Variants in AFF3 observed in about 807,000 individuals in gnomAD.
AFF3 encodes ALF transcription elongation factor 3.
AFF3 carries 32 observed loss-of-function variants against 129.7 expected under a neutral mutation model. The ratio of observed to expected loss-of-function variants is 0.25; its 90% CI spans 0.19 to 0.33. The LOEUF is 0.33. Ranked by LOEUF, AFF3 falls within the 10% of genes least tolerant of loss-of-function variation. The pLI is 1.00. For synonymous variants in AFF3, 644 were observed against 635.4 expected (o/e 1.01, Z -0.20); for missense variants, 1,373 against 1,592.0 (o/e 0.86, Z 2.34).
intron 8 of AFF3, among the ~76,000 whole-genome samples, chr2:99,779,498 C>A (rs1465457084): frequency 8.5e-6 from 1 of 118,100 alleles, no homozygotes; most frequent in Non-Finnish European, 1.6e-5. Context: ...TAAGTGACCA[C>A]ACAGTCACAG....
intron 4 of AFF3, among the ~76,000 whole-genome samples, chr2:100,043,396 C>T (rs1685592928): frequency 6.6e-6 from 1 of 152,158 alleles, no homozygotes; most frequent in African/African-American, 2.4e-5. Flanking sequence ...TGTGTTACTC[C>T]CAGGCTTGAA....
chr2:99,816,019 ATAGGTC>A (rs1457374801), intron 8 of AFF3, among the ~76,000 whole-genome samples: 1 of 150,404 alleles, frequency 6.6e-6, no homozygotes, highest in Non-Finnish European at 1.5e-5. Flanking sequence ...ATATTATCCA[ATAGGTC>A]TTGGATGATC....
chr2:99,882,403 C>G (rs1692793808), intron 7 of AFF3, among the ~76,000 whole-genome samples: 1 of 152,188 alleles, frequency 6.6e-6, no homozygotes. Flanking sequence ...TAGAAACTAT[C>G]CAGCTGTGAA....
chr2:99,829,672 A>G (rs1308441391), intron 8 of AFF3, among the ~76,000 whole-genome samples: 1 of 152,212 alleles, frequency 6.6e-6, no homozygotes, highest in Non-Finnish European at 1.5e-5. Flanking sequence ...ATGCTTTTAC[A>G]CTGTTGCTGG....
chr2:99,686,981 G>A (rs561919641), intron 11 of AFF3, among the ~76,000 whole-genome samples: 1 of 152,348 alleles, frequency 6.6e-6, no homozygotes, highest in Admixed American at 6.5e-5. Flanking sequence ...CATGTTGCCA[G>A]CCAATGCAAA....
rs1045113929 is a variant in AFF3 at position 100,007,095 on chromosome 2, T to C, written c.487+53A>G. 12 of 1,597,204 alleles carry C rather than the reference T, an allele frequency of 7.5e-6. No homozygotes were observed. In the South Asian group the frequency reaches 1.4e-4, roughly 18 times the overall value. Reference sequence around the variant, plus strand: ...AGGGATTTTCTTTTTTCATTATAGTTCTCTGGGTTTTAGCAGATTTGTGCA... The same window carrying C: ...AGGGATTTTCTTTTTTCATTATAGTCCTCTGGGTTTTAGCAGATTTGTGCA... On this transcript the variant is annotated intron_variant, in intron 6 of 24. Coordinates refer to ENST00000672756, the MANE Select transcript of AFF3 (RefSeq NM_001386135.1).
At chr2:100,019,356 G>A (rs965235497) in intron 4 of AFF3, among the ~76,000 whole-genome samples, 2 of 152,214 alleles carry the variant, frequency 1.3e-5, no homozygotes, top group African/African-American at 4.8e-5. Flanking sequence ...GTGAGGTAGA[G>A]AACAAGCCCT....
chr2:100,076,168 G>A (rs1293502228), intron 4 of AFF3, among the ~76,000 whole-genome samples: 1 of 152,184 alleles, frequency 6.6e-6, no homozygotes, highest in Non-Finnish European at 1.5e-5. Context: ...TGAAAAAGAT[G>A]TGACTCAAGT....
chr2:100,120,336 A>G (rs572130925), intron 2 of AFF3, among the ~76,000 whole-genome samples: 29 of 152,322 alleles, frequency 1.9e-4, no homozygotes, highest in Non-Finnish European at 3.7e-4. Flanking sequence ...TCCCACAGAA[A>G]TCATTGCATT....
intron 8 of AFF3, among the ~76,000 whole-genome samples, chr2:99,798,228 C>T (rs1305263592): frequency 6.6e-6 from 1 of 151,588 alleles, no homozygotes; most frequent in Non-Finnish European, 1.5e-5. Flanking sequence ...CTAAAGCAAC[C>T]ACTAAAATAA....
In AFF3 at chr2:99,549,078, A is replaced by G. The variant is rs1674230863; in HGVS notation, c.*2396T>C. On this transcript the variant is annotated 3_prime_UTR_variant, in exon 25 of 25. Coordinates refer to ENST00000672756, the MANE Select transcript of AFF3 (RefSeq NM_001386135.1). ...AAGCTCATCACATAGATGTTACAAC[A>G]AAGTCTGCAACTTTCAAGGTGGGCA... 1 of 227,292 alleles carries G rather than the reference A, an allele frequency of 4.4e-6. No individual in the cohort carries two copies. Among genetic ancestry groups the G allele is most frequent in the Middle Eastern group, 1.3e-3 (1 of 742 alleles). The allele number at this position is 227,292 out of a possible 1,614,324, so 14.1% of individuals were successfully genotyped here. A position where few individuals can be genotyped will look rare whatever the true frequency, so the allele number is the denominator to read the frequency against.
chr2:99,567,739 C>A (rs1451989462), intron 19 of AFF3, among the ~76,000 whole-genome samples: 2 of 152,142 alleles, frequency 1.3e-5, no homozygotes, highest in African/African-American at 4.8e-5. Flanking sequence ...ACCAGCCTGG[C>A]TGGAGCAGAG....
intron 8 of AFF3, among the ~76,000 whole-genome samples, chr2:99,825,608 C>A (rs185091246): frequency 1.3e-3 from 201 of 152,292 alleles, no homozygotes; most frequent in Non-Finnish European, 2.3e-3. Flanking sequence ...GGTAATTAAC[C>A]AAATTATCCC....
At chr2:99,805,032 AC>A (rs774090840) in intron 8 of AFF3, among the ~76,000 whole-genome samples, 2 of 152,208 alleles carry the variant, frequency 1.3e-5, no homozygotes, top group Non-Finnish European at 2.9e-5. Flanking sequence ...CTCCATCACT[AC>A]ACAATGCATC....
intron 7 of AFF3, among the ~76,000 whole-genome samples, chr2:99,992,884 A>AC (rs1680486647): frequency 6.6e-6 from 1 of 152,216 alleles, no homozygotes; most frequent in African/African-American, 2.4e-5. Flanking sequence ...CAGCTTAAAG[A>AC]CCTCATGTCC....
At chr2:99,570,723 TCATATTGC>T (rs1420984134) in intron 18 of AFF3, among the ~76,000 whole-genome samples, 1 of 152,158 alleles carries the variant, frequency 6.6e-6, no homozygotes, top group African/African-American at 2.4e-5. Flanking sequence ...ACCCACTTAA[TCATATTGC>T]TTACTCACGA....
intron 8 of AFF3, among the ~76,000 whole-genome samples, chr2:99,813,830 A>G (rs551600850): frequency 6.6e-6 from 1 of 152,324 alleles, no homozygotes; most frequent in Non-Finnish European, 1.5e-5. Context: ...AGTCACATAG[A>G]ACAAAACAGT....
chr2:99,762,253 TC>T (rs1198442680), intron 8 of AFF3, among the ~76,000 whole-genome samples: 1 of 151,904 alleles, frequency 6.6e-6, no homozygotes, highest in Admixed American at 6.6e-5. Flanking sequence ...GCCTCCTGAG[TC>T]CTGGGACTAC....
intron 7 of AFF3, among the ~76,000 whole-genome samples, chr2:99,837,894 TCCAATTTATCCA>T (rs953615395): frequency 2.0e-5 from 3 of 152,142 alleles, no homozygotes; most frequent in African/African-American, 7.2e-5. Flanking sequence ...CAACAGTGGA[TCCAATTTATCCA>T]CCAAATATAT....
Sources: gnomAD v4.1 joint callset for allele counts (sites outside exome capture counted in the v4.1 genomes callset) on GRCh38, gnomAD v4.1.1 for gene constraint, MANE v1.5 for transcripts, NCBI Gene and HGNC (gene_info 2026-07-23, HGNC 2026-07-21) for gene names.